KANSL3: variants seen among roughly 807,000 people sequenced by gnomAD.
KANSL3 encodes the protein NSL complex protein NSL3.
Under a neutral mutation model 89.2 loss-of-function variants are expected in KANSL3, and 16 were observed. The ratio of observed to expected loss-of-function variants is 0.18; its 90% CI spans 0.12 to 0.27. The LOEUF (loss-of-function observed/expected upper bound fraction) is 0.27. Ranked by LOEUF, KANSL3 falls within the 10% of genes least tolerant of loss-of-function variation. The pLI is 1.00. For missense variants in KANSL3, 879 were observed against 1,110.6 expected, an observed-to-expected ratio of 0.79 and a Z score of 2.96; for synonymous variants, 385 against 419.7, an observed-to-expected ratio of 0.92 and a Z score of 1.01.
chr2:96,613,778 G>A (rs1339188360), intron 5 of KANSL3, among the ~76,000 whole-genome samples, 159 bp from the exon 6 acceptor site: 9 of 151,692 alleles, frequency 5.9e-5, no homozygotes, highest in Non-Finnish European at 1.2e-4. Context: ...ATAAATAAGC[G>A]GGTGAAAAGT....
chr2:96,619,371 C>A lies in KANSL3; in HGVS notation c.651G>T (p.Thr217=). The change falls in exon 5 of 21, where the codon ACG becomes ACT. Residue 217 remains threonine (T), a synonymous_variant. Transcript: ENST00000431828. ...ATCACAGCCTTACCTTCCCCTTCAG[C>A]GTCTGCAAAGCATCCAGGTAGGCTG... The part of the protein sequence containing the change: ...MLAAYLDALQ[T]LKGKIPTLID... 6.2e-7 allele frequency: 1 copy of A among 1,611,480 alleles called. No homozygotes were observed.
chr2:96,583,911 T>C, the KANSL3 span, among the ~76,000 whole-genome samples: 1 of 152,240 alleles, frequency 6.6e-6, no homozygotes, highest in Non-Finnish European at 1.5e-5. Flanking sequence ...GCCATTCTAG[T>C]GAGTGTAAAG....
At chr2:96,611,604 A>G (rs1425799814) in intron 9 of KANSL3, among the ~76,000 whole-genome samples, 1 of 152,196 alleles carries the variant, frequency 6.6e-6, no homozygotes, top group African/African-American at 2.4e-5. Context: ...GGGAGCAGGG[A>G]CTATGGGGAC....
At chr2:96,585,434 T>C in the KANSL3 span, among the ~76,000 whole-genome samples, 1 of 152,220 alleles carries the variant, frequency 6.6e-6, no homozygotes, top group Non-Finnish European at 1.5e-5. Context: ...AACCACCTTA[T>C]TCCTGCGAGA....
chr2:96,631,831 GA>G (rs1253907895), intron 2 of KANSL3, among the ~76,000 whole-genome samples: 2 of 152,116 alleles, frequency 1.3e-5, no homozygotes, highest in South Asian at 4.2e-4. Flanking sequence ...TGGATTGCTT[GA>G]ACTCAGGAGT....
chr2:96,593,383 T>C lies in KANSL3; in HGVS notation c.*2228A>G, dbSNP rs1019298612. 2.2e-6 allele frequency: 1 copy of C among 449,824 alleles called. No homozygotes were observed. The highest frequency in any genetic ancestry group is 2.0e-5 in the African/African-American group (1 of 49,970). 27.9% of individuals were successfully genotyped at this position (449,824 alleles called of 1,614,324 possible). ...AAGAATCTAAGAACTTCCTGATCCT[T>C]CCACATTTTCTATCAATAATATTGC... On this transcript the variant is annotated 3_prime_UTR_variant, in exon 21 of 21. Coordinates refer to ENST00000431828, the MANE Select transcript of KANSL3 (RefSeq NM_001115016.3).
At chr2:96,583,401 C>T in the KANSL3 span, among the ~76,000 whole-genome samples, 12 of 152,140 alleles carry the variant, frequency 7.9e-5, no homozygotes, top group African/African-American at 2.2e-4. Flanking sequence ...CATTTCCCCC[C>T]GACGGAAAAA....
intron 14 of KANSL3, 103 bp downstream of exon 14, chr2:96,608,405 C>A: frequency 8.4e-7 from 1 of 1,184,090 alleles, no homozygotes; most frequent in Non-Finnish European, 1.2e-6. Context: ...GCGCCTCTCA[C>A]ATCCCCCTGA....
rs745865800 is a variant in KANSL3, at chr2:96,605,520, T to C, written c.1742-9A>G. On this transcript the variant is annotated splice_polypyrimidine_tract_variant and intron_variant, in intron 14 of 20. Transcript: ENST00000431828. Reference sequence around the variant, plus strand: ...TTCTGATGAAATGGGAACTAAGACATGGAGCTGAGTTGAGATCCTCCACAA... The same window carrying C: ...TTCTGATGAAATGGGAACTAAGACACGGAGCTGAGTTGAGATCCTCCACAA... 3.7e-6 allele frequency: 6 copies of C among 1,609,596 alleles called. No homozygotes were observed. The East Asian group carries it at 1.3e-4, about 36-fold the overall frequency.
rs376584070 is a variant in KANSL3, at chr2:96,612,828, C to G, written c.902G>C (p.Cys301Ser). ...TGCCCCCACACATACCTTGCCCAAG[C>G]AGGACAGCTGAGATTGCCAGAAGCG... ...RHRFWQSQLS[C>S]LGKVIPVATH... Residue 301 changes from cysteine (C) to serine (S), a missense_variant, in exon 7 of 21, where the codon TGC (cysteine) becomes TCC (serine). Physicochemically the swap from Cys to Ser is moderately radical, Grantham distance 112. Around this residue, in one of 6 missense-constraint regions of KANSL3, gnomAD observed 198 missense variants for 260.3 expected, o/e 0.76. Transcript: ENST00000431828. 3.2e-6 allele frequency: 5 copies of G among 1,561,992 alleles called. No homozygotes were observed. Among genetic ancestry groups the G allele is most frequent in the Non-Finnish European group, 4.3e-6 (5 of 1,152,928 alleles).
intron 2 of KANSL3, among the ~76,000 whole-genome samples, chr2:96,635,066 A>G (rs2074056893): frequency 1.3e-5 from 2 of 152,236 alleles, no homozygotes; most frequent in Non-Finnish European, 2.9e-5. Context: ...CCTATACAAG[A>G]TATCACGATT....
intron 3 of KANSL3, among the ~76,000 whole-genome samples, chr2:96,627,224 T>C (rs80255229): frequency 1.3e-5 from 2 of 151,984 alleles, no homozygotes; most frequent in African/African-American, 4.8e-5. Context: ...ATGCTTCTTT[T>C]TTTTTTTTGA....
chr2:96,590,997 C>T (rs969516833), downstream of KANSL3, among the ~76,000 whole-genome samples: 1 of 149,688 alleles, frequency 6.7e-6, no homozygotes, highest in Non-Finnish European at 1.5e-5. Context: ...AAAAACAAAA[C>T]AAAACAAAAC....
chr2:96,623,971 C>A (rs1411127353), intron 3 of KANSL3, among the ~76,000 whole-genome samples: 3 of 152,242 alleles, frequency 2.0e-5, no homozygotes, highest in Non-Finnish European at 4.4e-5. Flanking sequence ...TTTGGGGGTA[C>A]TAGAAGCAGT....
At chr2:96,612,429 T>A in intron 8 of KANSL3, 33 bp downstream of exon 8, 2 of 1,605,358 alleles carry the variant, frequency 1.2e-6, no homozygotes, top group Non-Finnish European at 1.7e-6. Context: ...ATGCTGGGTA[T>A]GCCACAATGT....
intron 3 of KANSL3, chr2:96,628,006 A>G (rs1397809152): frequency 7.8e-7 from 1 of 1,290,280 alleles, no homozygotes; most frequent in Admixed American, 2.3e-5. Flanking sequence ...ATAATCTGAT[A>G]AATTGAGCTT....
chr2:96,609,950 C>T (rs1214269217), intron 11 of KANSL3, among the ~76,000 whole-genome samples: 1 of 21,612 alleles, frequency 4.6e-5, no homozygotes, highest in Non-Finnish European at 7.4e-5. Context: ...GGCGCCACCT[C>T]AAAAAAAAAA....
At chr2:96,598,908 CAAAAAAAAAAAAAA>C (rs10551331) in intron 20 of KANSL3, among the ~76,000 whole-genome samples, 3 of 44,956 alleles carry the variant, frequency 6.7e-5, no homozygotes, top group Non-Finnish European at 8.8e-5. Flanking sequence ...GAGACTGTCT[CAAAAAAAAAAAAAA>C]AAAAAAAAAA....
Position 96,608,919 on chromosome 2 carries a change from C to T in KANSL3, c.1529G>A (p.Gly510Asp). Reference sequence around the variant, plus strand: ...GGCAGCTGGGGAGGCAGGTCGACTGCCCCGCTCAGGGACTTCAAAGGCCAA... The same window carrying T: ...GGCAGCTGGGGAGGCAGGTCGACTGTCCCGCTCAGGGACTTCAAAGGCCAA... ...RDLAFEVPER[G>D]SRPASPAAKL... The change falls in exon 13 of 21, where the codon GGC becomes GAC. Residue 510 changes from glycine (G) to aspartate (D), a missense_variant. Physicochemically the swap from Gly to Asp is moderately conservative, Grantham distance 94 (BLOSUM62 -1). This residue lies in a region of KANSL3 where 317 missense variants were observed against 311.2 expected (regional missense o/e 1.02). Transcript: ENST00000431828. 6.4e-7 allele frequency: 1 copy of T among 1,571,612 alleles called. No individual in the cohort carries two copies. Among genetic ancestry groups the T allele is most frequent in the Non-Finnish European group, 8.6e-7 (1 of 1,158,462 alleles).
Sources: gnomAD v4.1 joint callset for allele counts (sites outside exome capture counted in the v4.1 genomes callset) on GRCh38, gnomAD v4.1.1 for gene constraint, gnomAD v4.1.1 regional missense constraint, MANE v1.5 for transcripts, NCBI Gene and HGNC (gene_info 2026-07-23, HGNC 2026-07-21) for gene names.